PLCB1: variants seen among roughly 807,000 people sequenced by gnomAD.
PLCB1 encodes 1-phosphatidylinositol 4,5-bisphosphate phosphodiesterase beta-1.
Under a neutral mutation model 161.8 loss-of-function variants are expected in PLCB1, and 46 were observed. The observed-to-expected ratio is 0.28, with a 90% CI of 0.22 to 0.36. PLCB1 has a LOEUF of 0.36. PLCB1 is among the 10% of genes least tolerant of loss of function. The pLI is 1.00. For missense variants in PLCB1, 1,016 were observed against 1,472.5 expected, an observed-to-expected ratio of 0.69 and a Z score of 5.07; for synonymous variants, 517 against 503.7, an observed-to-expected ratio of 1.03 and a Z score of -0.35.
chr20:8,310,919 G>T (rs905307717), intron 2 of PLCB1, among the ~76,000 whole-genome samples: 2 of 152,156 alleles, frequency 1.3e-5, no homozygotes, highest in Non-Finnish European at 2.9e-5. Context: ...TGTGGCTGCT[G>T]CATAGTATTC....
chr20:8,615,586 G>A (rs1434620838), intron 3 of PLCB1, among the ~76,000 whole-genome samples: 1 of 152,020 alleles, frequency 6.6e-6, no homozygotes. Context: ...ACCATTCTTT[G>A]ATGAACATAC....
At chr20:8,449,879 A>G (rs1980995786) in intron 3 of PLCB1, among the ~76,000 whole-genome samples, 1 of 152,212 alleles carries the variant, frequency 6.6e-6, no homozygotes. Context: ...CTATGTAGTT[A>G]CAGGCATAAT....
At chr20:8,662,045 A>ATATATAATATACAATTATTTAT (rs1220072937) in intron 9 of PLCB1, among the ~76,000 whole-genome samples, 5 of 38,570 alleles carry the variant, frequency 1.3e-4, no homozygotes, top group African/African-American at 2.2e-4. Flanking sequence ...TTATATAATT[A>ATATATAATATACAATTATTTAT]TATATAATTA....
At chr20:8,768,946 A>C (rs1982523618) in intron 26 of PLCB1, among the ~76,000 whole-genome samples, 1 of 152,230 alleles carries the variant, frequency 6.6e-6, no homozygotes, top group South Asian at 2.1e-4. Flanking sequence ...ATTTCTTTGA[A>C]TATCTTTTGC....
At chr20:8,438,514 T>C (rs1980407968) in intron 3 of PLCB1, among the ~76,000 whole-genome samples, 1 of 152,016 alleles carries the variant, frequency 6.6e-6, no homozygotes, top group Admixed American at 6.6e-5. Flanking sequence ...ACAAGATATA[T>C]CAGAAAAAGG....
intron 2 of PLCB1, among the ~76,000 whole-genome samples, chr20:8,358,395 C>A (rs1243579007): frequency 6.6e-6 from 1 of 152,026 alleles, no homozygotes; most frequent in African/African-American, 2.4e-5. Flanking sequence ...ATTCCAGGCA[C>A]CCTCCAACAT....
intron 3 of PLCB1, among the ~76,000 whole-genome samples, chr20:8,476,585 G>C (rs1356500491): frequency 6.6e-6 from 1 of 152,138 alleles, no homozygotes; most frequent in Admixed American, 6.5e-5. Flanking sequence ...AAACATGCAA[G>C]AGAATTTCTT....
intron 2 of PLCB1, among the ~76,000 whole-genome samples, chr20:8,368,728 A>C (rs1262071507): frequency 6.6e-6 from 1 of 152,142 alleles, no homozygotes; most frequent in Admixed American, 6.5e-5. Flanking sequence ...TGTAATGACC[A>C]CTAAATCCCA....
intron 2 of PLCB1, among the ~76,000 whole-genome samples, chr20:8,346,131 C>A (rs1985993355): frequency 2.0e-5 from 3 of 152,170 alleles, no homozygotes; most frequent in African/African-American, 7.2e-5. Flanking sequence ...AATTGCCAGA[C>A]AAGGTGAAGA....
At chr20:8,813,239 T>C (rs1441569045) in intron 31 of PLCB1, among the ~76,000 whole-genome samples, 1 of 152,192 alleles carries the variant, frequency 6.6e-6, no homozygotes, top group Non-Finnish European at 1.5e-5. Flanking sequence ...TACATTTCTC[T>C]ACCAAGTCTA....
intron 3 of PLCB1, among the ~76,000 whole-genome samples, chr20:8,622,056 G>A (rs1988199252): frequency 6.8e-6 from 1 of 146,464 alleles, no homozygotes; most frequent in African/African-American, 2.6e-5. Context: ...AAGAGATGGA[G>A]ACCACCCTAG....
intron 3 of PLCB1, among the ~76,000 whole-genome samples, chr20:8,399,467 A>C (rs1172859194): frequency 6.6e-6 from 1 of 152,012 alleles, no homozygotes; most frequent in Non-Finnish European, 1.5e-5. Context: ...AATATTTTTT[A>C]CTATTTCATT....
intron 3 of PLCB1, among the ~76,000 whole-genome samples, chr20:8,583,041 A>T (rs941347228): frequency 2.0e-4 from 17 of 86,384 alleles, no homozygotes; most frequent in Admixed American, 1.6e-3. Context: ...TCCAACATTG[A>T]TGAACCTTAC....
chr20:8,235,601 A>G (rs1980276433), intron 2 of PLCB1, among the ~76,000 whole-genome samples: 3 of 152,088 alleles, frequency 2.0e-5, no homozygotes, highest in Non-Finnish European at 4.4e-5. Context: ...GGAGAGAGCC[A>G]AAGTTATTCG....
At chr20:8,440,120 A>G (rs75802923) in intron 3 of PLCB1, among the ~76,000 whole-genome samples, 3 of 152,212 alleles carry the variant, frequency 2.0e-5, no homozygotes, top group East Asian at 3.8e-4. Context: ...TTTGAAATGT[A>G]TGCTGATCAC....
At chr20:8,384,074 C>T (rs957546353) in intron 3 of PLCB1, among the ~76,000 whole-genome samples, 2 of 152,058 alleles carry the variant, frequency 1.3e-5, no homozygotes, top group African/African-American at 2.4e-5. Flanking sequence ...GCCTATCTTG[C>T]TAGGTTGGGG....
At chr20:8,535,294 T>C (rs1247428281) in intron 3 of PLCB1, among the ~76,000 whole-genome samples, 1 of 151,472 alleles carries the variant, frequency 6.6e-6, no homozygotes, top group Non-Finnish European at 1.5e-5. Flanking sequence ...TATTTTGTTG[T>C]AATTAGAATA....
intron 30 of PLCB1, 132 bp downstream of exon 30, chr20:8,789,707 C>G: frequency 1.4e-6 from 1 of 695,866 alleles, no homozygotes; most frequent in Non-Finnish European, 2.6e-6. Context: ...AGAGCTGTTT[C>G]ACAGGGTGGG....
intron 1 of PLCB1, among the ~76,000 whole-genome samples, chr20:8,135,254 C>T (rs928610048): frequency 1.3e-5 from 2 of 152,130 alleles, no homozygotes; most frequent in Admixed American, 6.5e-5. Context: ...TGTGTAAAAG[C>T]GTGGTAATGT....
Sources: gnomAD v4.1 joint callset for allele counts (sites outside exome capture counted in the v4.1 genomes callset) on GRCh38, gnomAD v4.1.1 for gene constraint, MANE v1.5 for transcripts, NCBI Gene and HGNC (gene_info 2026-07-23, HGNC 2026-07-21) for gene names.